LRRTM4: variants seen among roughly 807,000 people sequenced by gnomAD.
LRRTM4 encodes the protein leucine-rich repeat transmembrane neuronal protein 4.
Under a neutral mutation model 47.6 loss-of-function variants are expected in LRRTM4, and 25 were observed. The observed-to-expected ratio is 0.53, with a 90% confidence interval of 0.38 to 0.73. LRRTM4 has a LOEUF of 0.73. Ranked by LOEUF, LRRTM4 falls within the 30% of genes least tolerant of loss-of-function variation. The pLI, the probability that LRRTM4 is intolerant of heterozygous loss-of-function variation, is 0.00. For missense variants in LRRTM4, 638 were observed against 713.4 expected (o/e 0.89, Z 1.20); for synonymous variants, 311 against 269.5 (o/e 1.15, Z -1.51).
At chr2:77,128,395 C>CAGATGATAGAT (rs1553394613) in intron 3 of LRRTM4, among the ~76,000 whole-genome samples, 1 of 150,436 alleles carries the variant, frequency 6.6e-6, no homozygotes, top group Non-Finnish European at 1.5e-5. Context: ...AATTCTGTAA[C>CAGATGATAGAT]AGATAGATAG....
At chr2:77,237,625 A>C (rs1298977250) in intron 3 of LRRTM4, among the ~76,000 whole-genome samples, 1 of 151,696 alleles carries the variant, frequency 6.6e-6, no homozygotes, top group Admixed American at 6.6e-5. Context: ...GGGTGTTTAC[A>C]CCCACATATA....
intron 3 of LRRTM4, among the ~76,000 whole-genome samples, chr2:76,899,098 C>A (rs1042072995): frequency 1.3e-5 from 2 of 151,838 alleles, no homozygotes; most frequent in Non-Finnish European, 2.9e-5. Context: ...TAACTCCTTA[C>A]ATCAAAATGA....
At chr2:76,753,683 ATG>A (rs1324882868) in intron 3 of LRRTM4, among the ~76,000 whole-genome samples, 2 of 152,260 alleles carry the variant, frequency 1.3e-5, no homozygotes, top group East Asian at 3.9e-4. Context: ...ATAGAGGACT[ATG>A]TGGAGTTTCA....
In LRRTM4 at chr2:77,522,152, G is replaced by A. The variant is rs1423383900; in HGVS notation, c.-191C>T. The stretch of plus-strand genomic sequence containing the variant: ...CTGGCTTTTGCCATTCCCAGATAAA[G>A]CAATTCATCCTCTGGATTTTCAGTT... On this transcript the variant is annotated 5_prime_UTR_variant, in exon 1 of 4. Transcript: ENST00000409884. 2.8e-6 allele frequency: 2 copies of A among 715,600 alleles called. No individual in the cohort carries two copies. The highest frequency in any genetic ancestry group is 1.5e-5 in the South Asian group (1 of 67,526). The allele number at this position is 715,600 out of a possible 1,614,324, so 44.3% of individuals were successfully genotyped here. A position where few individuals can be genotyped will look rare whatever the true frequency, so the allele number is the denominator to read the frequency against.
chr2:77,280,325 G>C (rs1448152877), intron 3 of LRRTM4, among the ~76,000 whole-genome samples: 2 of 151,938 alleles, frequency 1.3e-5, no homozygotes, highest in African/African-American at 4.8e-5. Flanking sequence ...TAGCCTAGTG[G>C]GATCTGAGTT....
At chr2:77,190,959 G>A (rs770133694) in intron 3 of LRRTM4, among the ~76,000 whole-genome samples, 2 of 152,096 alleles carry the variant, frequency 1.3e-5, no homozygotes, top group Non-Finnish European at 2.9e-5. Context: ...AGTTCTCTTT[G>A]TTATGCTACT....
intron 3 of LRRTM4, among the ~76,000 whole-genome samples, chr2:77,013,230 G>A (rs955339540): frequency 6.6e-6 from 1 of 152,164 alleles, no homozygotes; most frequent in Non-Finnish European, 1.5e-5. Context: ...AGCAGGAGAA[G>A]GCATGTGCCT....
intron 3 of LRRTM4, among the ~76,000 whole-genome samples, chr2:77,209,748 A>G (rs1283208742): frequency 1.3e-5 from 2 of 152,210 alleles, no homozygotes; most frequent in Admixed American, 6.5e-5. Context: ...CATTGAAACA[A>G]TGCTCTGACC....
At position 76,959,177 on chromosome 2, in the gene LRRTM4, A is replaced by C. The variant is rs574244967; in HGVS notation, c.1552-210261T>G. On this transcript the variant is annotated intron_variant, in intron 3 of 3. Transcript: ENST00000409884. ...ATGTCTTTTCGTAATCTTCACTTTC[A>C]ATATTCTATTAAAATAGTCTTTAAG... Among the ~76,000 whole-genome samples the C allele has an allele frequency of 7.9e-5, 12 of 151,816 alleles. No homozygotes were observed. In the South Asian group the frequency reaches 1.5e-3, roughly 18 times the overall value.
intron 3 of LRRTM4, among the ~76,000 whole-genome samples, chr2:77,376,160 A>G (rs1160863747): frequency 1.3e-5 from 2 of 151,864 alleles, no homozygotes; most frequent in Non-Finnish European, 2.9e-5. Context: ...AGTCTTAGGT[A>G]TAAAGATTTT....
intron 3 of LRRTM4, among the ~76,000 whole-genome samples, chr2:76,817,669 A>G (rs72815483): frequency 0.02 from 3,054 of 152,074 alleles, 63 homozygotes; most frequent in East Asian, 0.099. Context: ...CTATGCCCAT[A>G]TATGACTACT....
chr2:76,794,566 T>C (rs1007313866), intron 3 of LRRTM4, among the ~76,000 whole-genome samples: 1 of 152,354 alleles, frequency 6.6e-6, no homozygotes, highest in Admixed American at 6.5e-5. Context: ...TAATTCTATA[T>C]GCTTTTTATT....
chr2:76,792,127 G>T (rs920698886), intron 3 of LRRTM4, among the ~76,000 whole-genome samples: 2 of 148,766 alleles, frequency 1.3e-5, no homozygotes, highest in Admixed American at 1.3e-4. Flanking sequence ...AGTTTTTCTA[G>T]TCCTAAAAAA....
intron 3 of LRRTM4, among the ~76,000 whole-genome samples, chr2:77,498,629 A>G (rs114279910): frequency 1.5e-3 from 228 of 151,522 alleles, no homozygotes; most frequent in African/African-American, 5.2e-3. Context: ...CCCAAACCCA[A>G]TTACTCAGAG....
intron 3 of LRRTM4, among the ~76,000 whole-genome samples, chr2:77,412,937 A>G (rs1028399931): frequency 2.6e-5 from 4 of 152,126 alleles, no homozygotes; most frequent in African/African-American, 9.7e-5. Context: ...AGGTTTCAAT[A>G]ATACTCTCTT....
chr2:77,167,340 T>A (rs1672915330), intron 3 of LRRTM4, among the ~76,000 whole-genome samples: 2 of 152,178 alleles, frequency 1.3e-5, no homozygotes, highest in South Asian at 4.1e-4. Flanking sequence ...GGGAACACTA[T>A]TACACTGTTG....
Position 76,748,627 on chromosome 2 carries a change from A to C in LRRTM4, c.*68T>G. ...CTCGATTGCGCGATTGTGGACACCC[A>C]TTCTCCTTTAAGATGAAGGCCCTCC... On this transcript the variant is annotated 3_prime_UTR_variant, in exon 4 of 4. Coordinates refer to ENST00000409884, the MANE Select transcript of LRRTM4 (RefSeq NM_001134745.3). 1 of 1,282,090 alleles carries C rather than the reference A, an allele frequency of 7.8e-7. No homozygotes were observed. Among genetic ancestry groups the C allele is most frequent in the Non-Finnish European group, 1.1e-6 (1 of 898,920 alleles). 79.4% of individuals were successfully genotyped at this position (1,282,090 alleles called of 1,614,324 possible).
chr2:76,807,072 G>A (rs1368514203), intron 3 of LRRTM4, among the ~76,000 whole-genome samples: 6 of 151,968 alleles, frequency 3.9e-5, no homozygotes, highest in Non-Finnish European at 8.8e-5. Flanking sequence ...AAAATAGGCT[G>A]CTTCTACATT....
At chr2:76,766,223 G>C (rs1259982423) in intron 3 of LRRTM4, among the ~76,000 whole-genome samples, 2 of 152,096 alleles carry the variant, frequency 1.3e-5, no homozygotes, top group Non-Finnish European at 2.9e-5. Context: ...GAACTGGGAG[G>C]GGGTTATACA....
Sources: allele counts gnomAD v4.1 joint callset (sites outside exome capture counted in the v4.1 genomes callset), GRCh38; gene constraint gnomAD v4.1.1; transcripts MANE v1.5; gene names NCBI Gene and HGNC (gene_info 2026-07-23, HGNC 2026-07-21).